Variants in ZNF217 observed in about 807,000 individuals in gnomAD.
The protein encoded by ZNF217 is zinc finger protein 217.
In ZNF217, 12 loss-of-function variants were observed where a neutral mutation model predicts 73.3. The observed-to-expected ratio is 0.16, with a 90% CI of 0.10 to 0.27. The LOEUF is 0.27. Among genes scored for constraint, ZNF217 ranks in the 10% least tolerant of loss-of-function variants. The pLI is 1.00. For missense variants in ZNF217, 1,195 were observed against 1,327.8 expected (o/e 0.90, Z 1.55); for synonymous variants, 588 against 516.4 (o/e 1.14, Z -1.88).
chr20:53,573,696 C>G (rs1239674088), intron 4 of ZNF217, among the ~76,000 whole-genome samples: 1 of 152,112 alleles, frequency 6.6e-6, no homozygotes, highest in African/African-American at 2.4e-5. Context: ...TGGCCTCAAT[C>G]GAGCTGCCCG....
chr20:53,592,144 C>T (rs570945953), intron 1 of ZNF217, among the ~76,000 whole-genome samples: 8 of 152,290 alleles, frequency 5.3e-5, no homozygotes, highest in Non-Finnish European at 1.0e-4. Flanking sequence ...TTAATGCTTC[C>T]AAACGATCTA....
rs1238208935 is a variant in ZNF217, at chr20:53,576,590, A to G, written c.2174T>C (p.Leu725Ser). 2 of 1,614,138 alleles carry G rather than the reference A, an allele frequency of 1.2e-6. No homozygotes were observed. The highest frequency in any genetic ancestry group is 2.7e-5 in the African/African-American group (2 of 74,942). ...ATGCTCCAGTCTCTGGTGCATCATTAAAACTTCTGGATAAAATGTCTTGAA... is the reference window on the plus strand; with the variant it reads ...ATGCTCCAGTCTCTGGTGCATCATTGAAACTTCTGGATAAAATGTCTTGAA... The part of the protein sequence containing the change: ...CTFKTFYPEV[L>S]MMHQRLEHKY... Residue 725 changes from leucine (L) to serine (S), a missense_variant, in exon 4 of 6, where the codon TTA becomes TCA. Physicochemically the swap from Leu to Ser is moderately radical, Grantham distance 145 (BLOSUM62 -2). Around this residue, in one of 9 missense-constraint regions of ZNF217, gnomAD observed 649 missense variants for 642.8 expected, o/e 1.01. Transcript: ENST00000371471.
At position 53,583,008 on chromosome 20, in the gene ZNF217, G is replaced by A. The variant is rs1568688880; in HGVS notation, c.-182C>T. 1 of 591,334 alleles carries A rather than the reference G, an allele frequency of 1.7e-6. No individual in the cohort carries two copies. Among genetic ancestry groups the A allele is most frequent in the Non-Finnish European group, 2.9e-6 (1 of 350,300 alleles). The allele number at this position is 591,334 out of a possible 1,614,324, so 36.6% of individuals were successfully genotyped here. Reference sequence around the variant, plus strand: ...AACTTTTAGGAAGCTCAGTGATGGTGTCACTGGTTCTTTCCACAAACAAGG... The same window carrying A: ...AACTTTTAGGAAGCTCAGTGATGGTATCACTGGTTCTTTCCACAAACAAGG... On this transcript the variant is annotated 5_prime_UTR_variant, in exon 2 of 6. Transcript: ENST00000371471.
At chr20:53,578,115 AAAC>A (rs1184205124) in intron 3 of ZNF217, among the ~76,000 whole-genome samples, 3 of 152,326 alleles carry the variant, frequency 2.0e-5, no homozygotes, top group African/African-American at 7.2e-5. Flanking sequence ...CCGTCTCAAA[AAAC>A]AAAAAAGAAA....
chr20:53,587,461 A>G (rs1988735811), intron 1 of ZNF217, among the ~76,000 whole-genome samples: 1 of 152,156 alleles, frequency 6.6e-6, no homozygotes, highest in Non-Finnish European at 1.5e-5. Context: ...ATGTACTCAA[A>G]CTGTTAACTT....
Position 53,582,242 on chromosome 20 carries a change from A to G in ZNF217, c.585T>C (p.Ser195=), listed in dbSNP as rs2145959161. The G allele has an allele frequency of 6.2e-7, 1 of 1,614,156 alleles. No homozygotes were observed. Among genetic ancestry groups the G allele is most frequent in the Non-Finnish European group, 8.5e-7 (1 of 1,180,038 alleles). The change falls in exon 2 of 6, where the codon AGT becomes AGC. Residue 195 remains serine (S), a synonymous_variant. Transcript: ENST00000371471. The surrounding 1 kb of genome is among the most constrained non-coding windows in gnomAD (Gnocchi z 4.8). ...GGACGACCTCGTTGATCGTTGCTGG[A>G]CTACTCTCCAAGCCTTGCTGCAGTT... The part of the protein sequence containing the change: ...RSKLQQGLES[S]PATINEVVQV...
Position 53,575,809 on chromosome 20 carries a change from A to C in ZNF217, c.2955T>G (p.Thr985=). ...CGGAGCCACCATAGGGCTTCTGAAC[A>C]GTCAGCACATTTGGAGAATCGACCT... is the stretch of plus-strand genomic sequence containing the variant. ...SSEVDSPNVL[T]VQKPYGGSGP... Residue 985 remains threonine, a synonymous_variant, in exon 4 of 6, where the codon ACT becomes ACG. Transcript: ENST00000371471. The C allele has an allele frequency of 6.2e-7, 1 of 1,614,142 alleles. No homozygotes were observed. The highest frequency in any genetic ancestry group is 8.5e-7 in the Non-Finnish European group (1 of 1,180,024).
At chr20:53,596,837 G>A (rs1374168465), upstream of ZNF217, among the ~76,000 whole-genome samples, 1 of 151,742 alleles carries the variant, frequency 6.6e-6, no homozygotes, top group Non-Finnish European at 1.5e-5. Flanking sequence ...TCTGCACATG[G>A]TACTTGGAGA....
chr20:53,569,180 AT>A lies in ZNF217; in HGVS notation c.*107del, dbSNP rs772373321. 99 of 1,347,902 alleles carry A rather than the reference AT, an allele frequency of 7.3e-5. No homozygotes were observed. The highest frequency in any genetic ancestry group is 9.6e-5 in the Non-Finnish European group (97 of 1,012,114). The allele number at this position is 1,347,902 out of a possible 1,614,324, so 83.5% of individuals were successfully genotyped here. A position where few individuals can be genotyped will look rare whatever the true frequency, so the allele number is the denominator to read the frequency against. ...TTTATGTACAGTACAATCACAGCTTATTTCAGTAGCTTTCACCATTCGCTTC... is the reference window on the plus strand; with the variant it reads ...TTTATGTACAGTACAATCACAGCTTATTCAGTAGCTTTCACCATTCGCTTC... On this transcript the variant is annotated 3_prime_UTR_variant, in exon 6 of 6. Coordinates refer to ENST00000371471, the MANE Select transcript of ZNF217 (RefSeq NM_006526.3).
chr20:53,579,361 A>AT (rs1988401585), intron 2 of ZNF217, among the ~76,000 whole-genome samples: 1 of 152,220 alleles, frequency 6.6e-6, no homozygotes, highest in Non-Finnish European at 1.5e-5. Flanking sequence ...TTGATGATCT[A>AT]TATAGTGTCT....
At chr20:53,589,876 T>C (rs145541680) in intron 1 of ZNF217, among the ~76,000 whole-genome samples, 1,632 of 151,836 alleles carry the variant, frequency 0.011, 25 homozygotes, top group African/African-American at 0.036. Flanking sequence ...TTTTCTTCCA[T>C]GTGCGTTTAA....
chr20:53,583,254 A>C (rs1988575837), intron 1 of ZNF217, 86 bp from the exon 2 acceptor site: 1 of 400,602 alleles, frequency 2.5e-6, no homozygotes, highest in East Asian at 3.6e-5. Flanking sequence ...TTTTCCACGC[A>C]GCAGAGAAGG....
In ZNF217 at chr20:53,576,760, C is replaced by A; in HGVS notation, c.2004G>T (p.Thr668=). 1 of 1,614,178 alleles carries A rather than the reference C, an allele frequency of 6.2e-7. No homozygotes were observed. Among genetic ancestry groups the A allele is most frequent in the South Asian group, 1.1e-5 (1 of 91,090 alleles). The part of the protein sequence containing the change: ...NLEVSPKEKQ[T]ETAADCRYRP... ...TGTATCTGCAGTCAGCTGCGGTCTC[C>A]GTTTGCTTCTCTTTGGGGCTAACTT... Residue 668 remains threonine, a synonymous_variant, in exon 4 of 6, where the codon ACG becomes ACT. Transcript: ENST00000371471.
Position 53,593,744 on chromosome 20 carries a change from CG to C in ZNF217, c.-343+11del, listed in dbSNP as rs1174516004. On this transcript the variant is annotated intron_variant, in intron 1 of 5. Coordinates refer to ENST00000371471, the MANE Select transcript of ZNF217 (RefSeq NM_006526.3). The stretch of plus-strand genomic sequence containing the variant: ...CCCCGGCTGGCGCGGGCGGGGGGCG[CG>C]CCCCCTTTACCTGCGGCTCCGGCTC... The C allele has an allele frequency of 6.6e-6, 1 of 150,938 alleles. No homozygotes were observed. The highest frequency in any genetic ancestry group is 1.5e-5 in the Non-Finnish European group (1 of 67,626). The allele number at this position is 150,938 out of a possible 1,614,324, so 9.3% of individuals were successfully genotyped here.
chr20:53,593,145 G>A (rs1341938651), intron 1 of ZNF217, among the ~76,000 whole-genome samples: 4 of 152,084 alleles, frequency 2.6e-5, no homozygotes, highest in Non-Finnish European at 2.9e-5. Context: ...GGCACCCGAG[G>A]GAGTCACGGG....
intron 2 of ZNF217, among the ~76,000 whole-genome samples, chr20:53,579,742 T>C (rs981373650): frequency 2.0e-5 from 3 of 152,270 alleles, no homozygotes; most frequent in Non-Finnish European, 4.4e-5. Flanking sequence ...GTGATCTTTT[T>C]ACAAATAGGC....
At chr20:53,579,471 T>C (rs1287348359) in intron 2 of ZNF217, among the ~76,000 whole-genome samples, 1 of 152,234 alleles carries the variant, frequency 6.6e-6, no homozygotes, top group East Asian at 1.9e-4. Flanking sequence ...AATATAAGTT[T>C]AGGAAAATCA....
At chr20:53,597,401 A>G (rs1368648742), upstream of ZNF217, among the ~76,000 whole-genome samples, 1 of 152,194 alleles carries the variant, frequency 6.6e-6, no homozygotes, top group Non-Finnish European at 1.5e-5. Context: ...ACCTGCCAGC[A>G]TCTGCAAACT....
intron 5 of ZNF217, among the ~76,000 whole-genome samples, chr20:53,569,688 G>C (rs1052131160): frequency 6.6e-6 from 1 of 152,136 alleles, no homozygotes; most frequent in Admixed American, 6.5e-5. Flanking sequence ...CTGGCCCTGG[G>C]TTCTATTTAA....
Sources: allele counts gnomAD v4.1 joint callset (sites outside exome capture counted in the v4.1 genomes callset), GRCh38; gene constraint gnomAD v4.1.1; regional missense constraint gnomAD v4.1.1; non-coding constraint Gnocchi (gnomAD v3.1); transcripts MANE v1.5; gene names NCBI Gene and HGNC (gene_info 2026-07-23, HGNC 2026-07-21).